Variants in ACAP2 observed in about 807,000 individuals in gnomAD.
ACAP2 encodes ArfGAP with coiled-coil, ankyrin repeat and PH domains 2, also known as arf-GAP with coiled-coil, ANK repeat and PH domain-containing protein 2.
In ACAP2, 39 loss-of-function variants were observed where a neutral mutation model predicts 115.8. The observed-to-expected ratio is 0.34, with a 90% CI of 0.26 to 0.44. The LOEUF (loss-of-function observed/expected upper bound fraction) is 0.44, where lower values mean the gene tolerates loss of function less well. ACAP2 is among the 20% of genes least tolerant of loss of function. The pLI, the probability that ACAP2 is intolerant of heterozygous loss-of-function variation, is 1.00. For synonymous variants in ACAP2, 289 were observed against 315.8 expected (o/e 0.92, Z 0.90); for missense variants, 662 against 927.6 (o/e 0.71, Z 3.72).
At chr3:195,310,678 C>A (rs1197074445) in intron 10 of ACAP2, among the ~76,000 whole-genome samples, 1 of 152,164 alleles carries the variant, frequency 6.6e-6, no homozygotes, top group Non-Finnish European at 1.5e-5. Context: ...CATCTTAGGA[C>A]AATATCTTCT....
chr3:195,365,801 G>T (rs1442495088), intron 4 of ACAP2, among the ~76,000 whole-genome samples: 8 of 151,280 alleles, frequency 5.3e-5, no homozygotes, highest in African/African-American at 1.9e-4. Context: ...ATATGTCAAT[G>T]AATATTATTT....
rs562233722 is a variant in ACAP2 at position 195,309,281 on chromosome 3, C to A, written c.858-444G>T. Among the ~76,000 whole-genome samples the A allele has an allele frequency of 5.3e-5, 8 of 152,194 alleles. No individual in the cohort carries two copies. In the South Asian group the frequency reaches 1.7e-3, roughly 32 times the overall value. On this transcript the variant is annotated intron_variant, in intron 10 of 22. Coordinates refer to ENST00000326793, the MANE Select transcript of ACAP2 (RefSeq NM_012287.6). ...TTGTGGCCAGGCACGGTGGCTCACG[C>A]CTGTAATCCCAGCACTTCGGGAGGC...
chr3:195,386,473 T>C (rs1577395755), intron 2 of ACAP2, among the ~76,000 whole-genome samples: 1 of 152,166 alleles, frequency 6.6e-6, no homozygotes, highest in Admixed American at 6.6e-5. Flanking sequence ...TAAAAAAGAA[T>C]GGGTTCATGT....
chr3:195,296,297 G>A (rs541215290), intron 16 of ACAP2, among the ~76,000 whole-genome samples: 14 of 151,550 alleles, frequency 9.2e-5, no homozygotes, highest in African/African-American at 2.9e-4. Context: ...CATACTGAAC[G>A]AGCACTATTG....
chr3:195,422,573 G>A (rs1714275010), intron 1 of ACAP2, among the ~76,000 whole-genome samples: 1 of 152,002 alleles, frequency 6.6e-6, no homozygotes, highest in Admixed American at 6.6e-5. Flanking sequence ...AGCCTCAAAA[G>A]TGATTCTCTT....
At chr3:195,348,474 T>C (rs1731327887) in intron 4 of ACAP2, among the ~76,000 whole-genome samples, 2 of 151,810 alleles carry the variant, frequency 1.3e-5, no homozygotes. Flanking sequence ...AAAAAATCTA[T>C]CGGAAAATCT....
At chr3:195,301,761 A>G in intron 14 of ACAP2, 117 bp from the exon 15 acceptor site, 1 of 1,143,990 alleles carries the variant, frequency 8.7e-7, no homozygotes, top group Non-Finnish European at 1.3e-6. Context: ...ATATAGGCAC[A>G]GATCTTCTGT....
intron 5 of ACAP2, 47 bp from the exon 6 acceptor site, chr3:195,342,701 A>G: frequency 6.6e-7 from 1 of 1,516,916 alleles, no homozygotes; most frequent in Non-Finnish European, 8.8e-7. Flanking sequence ...TGCTTCATTA[A>G]AAAACTTTAG....
rs1727274480 is a variant in ACAP2 at position 195,291,791 on chromosome 3, G to A, written c.1978C>T (p.Leu660Phe). 6.2e-7 allele frequency: 1 copy of A among 1,613,290 alleles called. No homozygotes were observed. Among genetic ancestry groups the A allele is most frequent in the Admixed American group, 1.7e-5 (1 of 59,866 alleles). Reference sequence around the variant, plus strand: ...TTGACATTAGCACCATTCTGTAGGAGGAACTCACACGTCACCAAAGAGCCC... The same window carrying A: ...TTGACATTAGCACCATTCTGTAGGAAGAACTCACACGTCACCAAAGAGCCC... ...LGGSLVTCEF[L>F]LQNGANVNQR... The change falls in exon 20 of 23, where the codon CTC becomes TTC. Residue 660 changes from leucine (L) to phenylalanine (F), a missense_variant. Coordinates refer to ENST00000326793, the MANE Select transcript of ACAP2 (RefSeq NM_012287.6).
In ACAP2 at chr3:195,289,245, C is replaced by T; in HGVS notation, c.2064-14G>A. On this transcript the variant is annotated splice_polypyrimidine_tract_variant and intron_variant, in intron 20 of 22. Transcript: ENST00000326793. ...AAACATACCTGCCTGTTTAAGAACA[C>T]AGCATTTTTGAGATATTGTCGATAA... 1 of 1,575,088 alleles carries T rather than the reference C, an allele frequency of 6.3e-7. No individual in the cohort carries two copies. The highest frequency in any genetic ancestry group is 8.6e-7 in the Non-Finnish European group (1 of 1,156,140).
In ACAP2 at chr3:195,421,398, CAA is replaced by C. The variant is rs142662139; in HGVS notation, c.53+21395_53+21396del. ...AATATAGAAGGCAAAGATCTTGACA[CAA>C]AGTCATCCGTTATCTTTCTTAGGAT... On this transcript the variant is annotated intron_variant, in intron 1 of 22. Transcript: ENST00000326793. Among the ~76,000 whole-genome samples the C allele has an allele frequency of 6.6e-3, 1,007 of 152,292 alleles. 13 individuals are homozygous for C. The highest frequency in any genetic ancestry group is 0.034 in the Middle Eastern group (10 of 294).
At chr3:195,338,953 G>C (rs192098585) in intron 6 of ACAP2, among the ~76,000 whole-genome samples, 3 of 152,070 alleles carry the variant, frequency 2.0e-5, no homozygotes, top group Admixed American at 2.0e-4. Flanking sequence ...GTTTCTGGCT[G>C]GGTGAGGTGG....
At chr3:195,327,993 G>A (rs899982786) in intron 8 of ACAP2, among the ~76,000 whole-genome samples, 8 of 151,554 alleles carry the variant, frequency 5.3e-5, no homozygotes, top group Non-Finnish European at 7.4e-5. Context: ...CTTGTTCCTT[G>A]GCGTTAGAAA....
At chr3:195,301,742 G>A (rs923348579) in intron 14 of ACAP2, 98 bp from the exon 15 acceptor site, 7 of 1,229,760 alleles carry the variant, frequency 5.7e-6, no homozygotes, top group South Asian at 3.9e-5. Context: ...TAAAGCCCTC[G>A]GCATACACAT....
At chr3:195,382,204 G>A (rs971899851) in intron 2 of ACAP2, among the ~76,000 whole-genome samples, 182 bp from the exon 3 acceptor site, 1 of 152,098 alleles carries the variant, frequency 6.6e-6, no homozygotes, top group Non-Finnish European at 1.5e-5. Flanking sequence ...TAAATTCGTA[G>A]CAGAGTTGTA....
At chr3:195,351,098 GTAAATATGAAGA>G (rs1337674086) in intron 4 of ACAP2, among the ~76,000 whole-genome samples, 1 of 149,824 alleles carries the variant, frequency 6.7e-6, no homozygotes, top group African/African-American at 2.5e-5. Flanking sequence ...TAACAACTCA[GTAAATATGAAGA>G]TAAATCCTTT....
At chr3:195,424,943 A>G (rs1436732206) in intron 1 of ACAP2, among the ~76,000 whole-genome samples, 3 of 139,246 alleles carry the variant, frequency 2.2e-5, no homozygotes, top group Non-Finnish European at 4.6e-5. Context: ...AAAAAAAAAA[A>G]AGGTTTTAAG....
chr3:195,303,129 T>A lies in ACAP2; in HGVS notation c.1117-955A>T, dbSNP rs1014169560. Among the ~76,000 whole-genome samples, 3 of 152,238 alleles carry A rather than the reference T, an allele frequency of 2.0e-5. No homozygotes were observed. In the South Asian group the frequency reaches 6.2e-4, roughly 32 times the overall value. On this transcript the variant is annotated intron_variant, in intron 13 of 22. Transcript: ENST00000326793. ...TACTCAGGAGGCTGAGACATGAGAA[T>A]AGCTTAAACCCAGGAAACGGAGGTT... is the stretch of plus-strand genomic sequence containing the variant.
At chr3:195,319,235 G>A (rs374530225) in intron 10 of ACAP2, among the ~76,000 whole-genome samples, 1 of 152,190 alleles carries the variant, frequency 6.6e-6, no homozygotes, top group Non-Finnish European at 1.5e-5. Flanking sequence ...AGAAGTCTGC[G>A]GCAGGGGAGG....
Sources: allele counts gnomAD v4.1 joint callset (sites outside exome capture counted in the v4.1 genomes callset), GRCh38; gene constraint gnomAD v4.1.1; transcripts MANE v1.5; gene names NCBI Gene and HGNC (gene_info 2026-07-23, HGNC 2026-07-21).